MRPL21: variants seen among roughly 807,000 people sequenced by gnomAD.
The protein encoded by MRPL21 is mitochondrial ribosomal protein L21.
In MRPL21, 20 loss-of-function variants were observed where a neutral mutation model predicts 27.3. The observed-to-expected ratio is 0.73, with a 90% CI of 0.52 to 1.06. MRPL21 has a LOEUF of 1.06. MRPL21 is among the 50% of genes least tolerant of loss of function. MRPL21 has a pLI of 0.00. For synonymous variants in MRPL21, 98 were observed against 101.5 expected, an observed-to-expected ratio of 0.97 and a Z score of 0.21; for missense variants, 249 against 251.4, an observed-to-expected ratio of 0.99 and a Z score of 0.06.
At chr11:68,902,653 G>A (rs1339289021) in intron 1 of MRPL21, among the ~76,000 whole-genome samples, 5 of 152,140 alleles carry the variant, frequency 3.3e-5, no homozygotes, top group African/African-American at 1.2e-4. Flanking sequence ...ACACATCATT[G>A]TTATCCAAAG....
rs375095771 is a variant in MRPL21, at chr11:68,891,345, G to C, written c.604C>G (p.Pro202Ala). Residue 202 changes from proline (P) to alanine (A), a missense_variant, in exon 7 of 7, where the codon CCG becomes GCG. By Grantham distance (27) the Pro-to-Ala change is conservative. Coordinates refer to ENST00000362034, the MANE Select transcript of MRPL21 (RefSeq NM_181514.2). ...TAACTCGGTAATCACAACAAACACG[G>C]AGCAATCTCAATGCTGTTTATCCGG... is the stretch of plus-strand genomic sequence containing the variant. ...VLRINSIEIA[P>A]CLL is the part of the protein sequence containing the mutation. 1 of 1,613,884 alleles carries C rather than the reference G, an allele frequency of 6.2e-7. No homozygotes were observed. Among genetic ancestry groups the C allele is most frequent in the Admixed American group, 1.7e-5 (1 of 59,996 alleles).
At chr11:68,892,672 A>C in intron 6 of MRPL21, 2 of 1,494,884 alleles carry the variant, frequency 1.3e-6, no homozygotes, top group Non-Finnish European at 1.8e-6. Context: ...AAGGGGAGCG[A>C]GGTGGGGTCA....
At chr11:68,891,922 C>A in intron 6 of MRPL21, 1 of 544,764 alleles carries the variant, frequency 1.8e-6, no homozygotes, top group Non-Finnish European at 3.0e-6. Flanking sequence ...TGCCATCCCT[C>A]AGGATGCCCA....
At chr11:68,901,925 C>A (rs1231148217) in intron 1 of MRPL21, among the ~76,000 whole-genome samples, 1 of 152,202 alleles carries the variant, frequency 6.6e-6, no homozygotes, top group Admixed American at 6.6e-5. Flanking sequence ...GGCCCCAAAC[C>A]TCCATCAGTT....
chr11:68,903,271 A>G (rs1858015248), intron 1 of MRPL21, among the ~76,000 whole-genome samples: 1 of 152,230 alleles, frequency 6.6e-6, no homozygotes, highest in African/African-American at 2.4e-5. Context: ...GCCTCGTATC[A>G]GCCCAGCGCC....
intron 6 of MRPL21, 53 bp downstream of exon 6, chr11:68,892,837 C>T (rs754783689): frequency 3.8e-6 from 6 of 1,587,646 alleles, no homozygotes; most frequent in Non-Finnish European, 5.2e-6. Flanking sequence ...TCCGCATGCG[C>T]CTGGGCAACC....
rs541136999 is a variant in MRPL21 at position 68,896,508 on chromosome 11, G to T, written c.396+7C>A. 6.2e-7 allele frequency: 1 copy of T among 1,613,866 alleles called. No individual in the cohort carries two copies. Among genetic ancestry groups the T allele is most frequent in the Non-Finnish European group, 8.5e-7 (1 of 1,179,736 alleles). Reference sequence around the variant, plus strand: ...CCTGAATATCCAGAGAAGCTCGGTGGTCTCACCTTCTCCAGTCGAATTCTC... The same window carrying T: ...CCTGAATATCCAGAGAAGCTCGGTGTTCTCACCTTCTCCAGTCGAATTCTC... On this transcript the variant is annotated splice_region_variant and intron_variant, in intron 4 of 6. Transcript: ENST00000362034.
Position 68,903,799 on chromosome 11 carries a change from A to G in MRPL21, c.12T>C (p.Ser4=), listed in dbSNP as rs961501077. The G allele has an allele frequency of 6.3e-6, 9 of 1,426,226 alleles. No homozygotes were observed. In the African/African-American group the frequency reaches 1.5e-4, roughly 24 times the overall value. The allele number at this position is 1,426,226 out of a possible 1,614,324, so 88.3% of individuals were successfully genotyped here. The change falls in exon 1 of 7, where the codon TCT becomes TCC. Residue 4 remains serine (S), a synonymous_variant. Transcript: ENST00000362034. The part of the protein sequence containing the change: MAA[S]SLTVTLGRLA... Reference sequence around the variant, plus strand: ...GCCGCCCTAAGGTGACCGTCAGGGAAGATGCTGCCATGGCCGCAGCCTCGG... The same window carrying G: ...GCCGCCCTAAGGTGACCGTCAGGGAGGATGCTGCCATGGCCGCAGCCTCGG...
intron 1 of MRPL21, among the ~76,000 whole-genome samples, chr11:68,901,500 A>T (rs1026826072): frequency 6.6e-6 from 1 of 152,200 alleles, no homozygotes; most frequent in African/African-American, 2.4e-5. Flanking sequence ...CTCAATAACC[A>T]CTTTTAAAGA....
Position 68,900,535 on chromosome 11 carries a change from A to C in MRPL21, c.146+13T>G, listed in dbSNP as rs1857908749. The C allele has an allele frequency of 1.9e-6, 3 of 1,612,030 alleles. No homozygotes were observed. The highest frequency in any genetic ancestry group is 1.7e-5 in the Admixed American group (1 of 59,930). On this transcript the variant is annotated intron_variant, in intron 2 of 6. Coordinates refer to ENST00000362034, the MANE Select transcript of MRPL21 (RefSeq NM_181514.2). ...AAGGAAAAGAGGCACCAAAACCCAC[A>C]TTTTGATATTACCCTGGTAGATATG... is the stretch of plus-strand genomic sequence containing the variant.
At chr11:68,896,134 G>T (rs958970827) in intron 4 of MRPL21, among the ~76,000 whole-genome samples, 2 of 152,158 alleles carry the variant, frequency 1.3e-5, no homozygotes, top group African/African-American at 4.8e-5. Context: ...CATAGACAGG[G>T]GCTATAAAGT....
At chr11:68,901,715 C>A (rs1296167600) in intron 1 of MRPL21, among the ~76,000 whole-genome samples, 1 of 152,174 alleles carries the variant, frequency 6.6e-6, no homozygotes, top group Non-Finnish European at 1.5e-5. Context: ...TAAACACCCC[C>A]AATGTGCTGG....
rs2154005366 is a variant in MRPL21, at chr11:68,891,415, A to G, written c.554-20T>C. The G allele has an allele frequency of 1.2e-6, 2 of 1,613,274 alleles. No individual in the cohort carries two copies. Among genetic ancestry groups the G allele is most frequent in the Non-Finnish European group, 1.7e-6 (2 of 1,179,482 alleles). ...TGACGACTGAAAGAAAGGATGTCAC[A>G]GGCTTGACCACAGACCCTGACTGTT... On this transcript the variant is annotated intron_variant, in intron 6 of 6. Transcript: ENST00000362034.
intron 4 of MRPL21, among the ~76,000 whole-genome samples, chr11:68,895,001 A>C (rs1409880066): frequency 6.6e-6 from 1 of 152,124 alleles, no homozygotes; most frequent in Non-Finnish European, 1.5e-5. Context: ...GTGGTGGCTC[A>C]CGCCTGTAAT....
At chr11:68,901,661 G>A (rs139437940) in intron 1 of MRPL21, among the ~76,000 whole-genome samples, 175 of 152,056 alleles carry the variant, frequency 1.2e-3, no homozygotes, top group African/African-American at 3.8e-3. Flanking sequence ...CCTCCTCTCC[G>A]CCCATGGCCA....
intron 6 of MRPL21, chr11:68,891,617 A>G: frequency 1.7e-6 from 1 of 597,298 alleles, no homozygotes; most frequent in Non-Finnish European, 3.0e-6. Context: ...CCTCATGGCC[A>G]GGAGTGCCCT....
intron 5 of MRPL21, 148 bp downstream of exon 5, chr11:68,893,255 T>C (rs1198539966): frequency 6.8e-7 from 1 of 1,466,730 alleles, no homozygotes; most frequent in South Asian, 1.4e-5. Flanking sequence ...GGGCCCTAAA[T>C]GTCCACTATT....
chr11:68,891,510 C>T, intron 6 of MRPL21, 115 bp from the exon 7 acceptor site: 1 of 949,546 alleles, frequency 1.1e-6, no homozygotes, highest in Non-Finnish European at 1.7e-6. Flanking sequence ...ACGTCCCCTG[C>T]TGCACATGGC....
chr11:68,896,372 A>G (rs1857787280), intron 4 of MRPL21, 143 bp downstream of exon 4: 2 of 1,120,186 alleles, frequency 1.8e-6, no homozygotes, highest in Non-Finnish European at 2.6e-6. Flanking sequence ...GGCGCCCCCC[A>G]AAGTCCCTTC....
Sources: gnomAD v4.1 joint callset for allele counts (sites outside exome capture counted in the v4.1 genomes callset) on GRCh38, gnomAD v4.1.1 for gene constraint, MANE v1.5 for transcripts, NCBI Gene and HGNC (gene_info 2026-07-23, HGNC 2026-07-21) for gene names.